The following ATP9B variants were observed in gnomAD, a reference collection of about 807,000 sequenced individuals.
ATP9B encodes ATPase phospholipid transporting 9B.
In ATP9B, 110 loss-of-function variants were observed where a neutral mutation model predicts 146.1. That is an observed-to-expected ratio of 0.75 (90% CI 0.65 to 0.88). The LOEUF (loss-of-function observed/expected upper bound fraction) is 0.88. Among genes scored for constraint, ATP9B ranks in the 40% least tolerant of loss-of-function variants. The pLI is 0.00. For synonymous variants in ATP9B, 604 were observed against 569.7 expected (o/e 1.06, Z -0.86); for missense variants, 1,499 against 1,496.4 (o/e 1.00, Z -0.03).
chr18:79,117,911 T>C (rs2094115953), intron 4 of ATP9B: 1 of 152,264 alleles, frequency 6.6e-6, no homozygotes, highest in South Asian at 2.1e-4. Flanking sequence ...TAAAACAATA[T>C]GCAATATTAT....
chr18:79,146,395 T>G (rs529744825), intron 6 of ATP9B: 1 of 131,212 alleles, frequency 7.6e-6, no homozygotes, highest in East Asian at 3.1e-4. Flanking sequence ...GGAGAGTGAC[T>G]GAAGGTGCAG....
chr18:79,232,474 A>G (rs188566563), intron 11 of ATP9B, among the ~76,000 whole-genome samples: 16 of 152,360 alleles, frequency 1.1e-4, no homozygotes, highest in African/African-American at 3.8e-4. Flanking sequence ...TGCAGCAGAC[A>G]TTGAACACAG....
At chr18:79,371,713 C>A (rs1429883102) in intron 26 of ATP9B, among the ~76,000 whole-genome samples, 2 of 152,240 alleles carry the variant, frequency 1.3e-5, no homozygotes, top group African/African-American at 2.4e-5. Flanking sequence ...GCCCTGAGCA[C>A]AGCCTGTCAC....
chr18:79,301,459 G>A (rs572357110), intron 13 of ATP9B, among the ~76,000 whole-genome samples: 2 of 152,156 alleles, frequency 1.3e-5, no homozygotes, highest in African/African-American at 2.4e-5. Flanking sequence ...GCCACTGCAC[G>A]ACTCCGTCTC....
chr18:79,257,000 C>T (rs1319969580), intron 12 of ATP9B, among the ~76,000 whole-genome samples: 1 of 152,152 alleles, frequency 6.6e-6, no homozygotes, highest in East Asian at 1.9e-4. Flanking sequence ...CACATTCAAT[C>T]CTATTGCTTT....
At chr18:79,318,983 A>G (rs1260233629) in intron 15 of ATP9B, among the ~76,000 whole-genome samples, 1 of 152,154 alleles carries the variant, frequency 6.6e-6, no homozygotes, top group African/African-American at 2.4e-5. Context: ...AATGTTAAAA[A>G]TGTTAGGGAA....
chr18:79,102,155 T>C (rs1459072852), intron 2 of ATP9B, among the ~76,000 whole-genome samples: 1 of 152,132 alleles, frequency 6.6e-6, no homozygotes, highest in Non-Finnish European at 1.5e-5. Flanking sequence ...TTCACCATGT[T>C]GCCAGTCTGT....
chr18:79,137,320 A>G (rs560876063), intron 5 of ATP9B, among the ~76,000 whole-genome samples: 4 of 152,180 alleles, frequency 2.6e-5, no homozygotes, highest in Admixed American at 2.6e-4. Flanking sequence ...GCTTCTTTGC[A>G]TGCCTATTAA....
intron 12 of ATP9B, among the ~76,000 whole-genome samples, chr18:79,256,407 C>A (rs2096081804): frequency 6.6e-6 from 1 of 150,450 alleles, no homozygotes; most frequent in Non-Finnish European, 1.5e-5. Context: ...TTTCTTAAAT[C>A]CCATGCTACC....
chr18:79,194,516 T>C (rs1055225037), intron 9 of ATP9B: 1 of 152,226 alleles, frequency 6.6e-6, no homozygotes, highest in Non-Finnish European at 1.5e-5. Context: ...TGGGGCGTAT[T>C]GGACTAGAAA....
chr18:79,206,983 C>T lies in ATP9B; in HGVS notation c.1001C>T (p.Thr334Ile). ...CATGAAAGTCTCAGCATAGAAAATA[C>T]ATTGTGGGCAAGCACCATTGTTGCA... ...PIHESLSIENTLWASTIVASG... is the reference protein window; with the variant it reads ...PIHESLSIENILWASTIVASG... The change falls in exon 10 of 30, where the codon ACA (threonine) becomes ATA (isoleucine). Residue 334 changes from threonine (T) to isoleucine (I), a missense_variant. Coordinates refer to ENST00000426216, the MANE Select transcript of ATP9B (RefSeq NM_198531.5). 1 of 1,614,066 alleles carries T rather than the reference C, an allele frequency of 6.2e-7. No homozygotes were observed. The highest frequency in any genetic ancestry group is 8.5e-7 in the Non-Finnish European group (1 of 1,179,938).
chr18:79,233,960 T>C (rs959914401), intron 11 of ATP9B, among the ~76,000 whole-genome samples: 4 of 152,200 alleles, frequency 2.6e-5, no homozygotes, highest in Admixed American at 1.3e-4. Context: ...ATCATAAAGG[T>C]CTTCATCCTC....
rs886904925 is a variant in ATP9B at position 79,216,084 on chromosome 18, T to C, written c.1107+2046T>C. ...TGATGATATTTGAGGGTAAATTAAT[T>C]TTAAATATGAATTTAAAATCTTTAA... On this transcript the variant is annotated intron_variant, in intron 11 of 29. Transcript: ENST00000426216. 9.8e-5 allele frequency among the ~76,000 whole-genome samples: 15 copies of C among 152,352 alleles called. No individual in the cohort carries two copies. The East Asian group carries it at 2.7e-3, about 27-fold the overall frequency.
intron 11 of ATP9B, among the ~76,000 whole-genome samples, chr18:79,220,603 T>G (rs2095668127): frequency 6.6e-6 from 1 of 151,980 alleles, no homozygotes; most frequent in Admixed American, 6.6e-5. Context: ...CCTGTCTCAT[T>G]AAGAAAAAAT....
chr18:79,301,257 C>G (rs2096588372), intron 13 of ATP9B, among the ~76,000 whole-genome samples: 1 of 152,138 alleles, frequency 6.6e-6, no homozygotes, highest in African/African-American at 2.4e-5. Context: ...TTTGGGAGGC[C>G]AGGGCGGGCA....
intron 9 of ATP9B, among the ~76,000 whole-genome samples, chr18:79,195,712 A>G (rs952338034): frequency 6.6e-6 from 1 of 152,228 alleles, no homozygotes; most frequent in African/African-American, 2.4e-5. Flanking sequence ...GAGAACACTG[A>G]ACGTGAGCAT....
chr18:79,190,248 A>G (rs757112633), intron 8 of ATP9B, among the ~76,000 whole-genome samples: 63 of 152,324 alleles, frequency 4.1e-4, no homozygotes, highest in Non-Finnish European at 8.1e-4. Context: ...GTGATATAAT[A>G]GACTATGTCT....
chr18:79,277,269 A>T, intron 13 of ATP9B, 73 bp downstream of exon 13: 2 of 1,554,800 alleles, frequency 1.3e-6, no homozygotes, highest in South Asian at 2.3e-5. Context: ...TAGCGTATAG[A>T]TATATGTTTA....
chr18:79,228,524 G>A (rs12326981), intron 11 of ATP9B, among the ~76,000 whole-genome samples: 1,798 of 152,218 alleles, frequency 0.012, 42 homozygotes, highest in African/African-American at 0.042. Flanking sequence ...ATTGGTTGGG[G>A]ATTAGAAATA....
Sources: gnomAD v4.1 joint callset for allele counts (sites outside exome capture counted in the v4.1 genomes callset) on GRCh38, gnomAD v4.1.1 for gene constraint, MANE v1.5 for transcripts, NCBI Gene and HGNC (gene_info 2026-07-23, HGNC 2026-07-21) for gene names.